Variants in STX3 observed in about 807,000 individuals in gnomAD.
STX3 encodes syntaxin-3.
Under a neutral mutation model 40.2 loss-of-function variants are expected in STX3, and 19 were observed. The ratio of observed to expected loss-of-function variants is 0.47; its 90% CI spans 0.33 to 0.69. The LOEUF is 0.69. Ranked by LOEUF, STX3 falls within the 30% of genes least tolerant of loss-of-function variation. The pLI, the probability that STX3 is intolerant of heterozygous loss-of-function variation, is 0.02. For missense variants in STX3, 364 were observed against 366.7 expected (o/e 0.99, Z 0.06); for synonymous variants, 122 against 132.2 (o/e 0.92, Z 0.53).
intron 2 of STX3, among the ~76,000 whole-genome samples, chr11:59,778,569 C>T (rs1048215103): frequency 6.6e-6 from 1 of 152,194 alleles, no homozygotes; most frequent in Non-Finnish European, 1.5e-5. Context: ...CAGGGAATGG[C>T]TGTTTGTTGG....
chr11:59,777,197 C>A (rs895310021), intron 2 of STX3, among the ~76,000 whole-genome samples: 3 of 152,182 alleles, frequency 2.0e-5, no homozygotes, highest in African/African-American at 7.2e-5. Flanking sequence ...TAAATTCTGC[C>A]TGCAGAGAGG....
At chr11:59,771,884 G>GT (rs1863670955) in intron 1 of STX3, among the ~76,000 whole-genome samples, 1 of 152,170 alleles carries the variant, frequency 6.6e-6, no homozygotes, top group South Asian at 2.1e-4. Flanking sequence ...GATCGGGGAG[G>GT]TGGTAGCAGT....
chr11:59,800,745 A>G (rs1347568954), intron 10 of STX3, 110 bp from the exon 11 acceptor site: 2 of 1,519,516 alleles, frequency 1.3e-6, no homozygotes, highest in Non-Finnish European at 1.8e-6. Context: ...TCTATTTCAT[A>G]GTGATTTCTG....
intron 2 of STX3, among the ~76,000 whole-genome samples, chr11:59,785,539 C>T (rs1456513680): frequency 6.6e-6 from 1 of 152,108 alleles, no homozygotes; most frequent in Non-Finnish European, 1.5e-5. Context: ...CCATGTTACC[C>T]AGGCTGATCT....
intron 8 of STX3, 93 bp from the exon 9 acceptor site, chr11:59,795,279 A>T (rs1014623869): frequency 2.8e-6 from 3 of 1,065,146 alleles, no homozygotes; most frequent in Admixed American, 2.1e-5. Context: ...TCTTCTTGCC[A>T]CTGAAGATTG....
Position 59,800,984 on chromosome 11 carries a change from G to C in STX3, c.*160G>C, listed in dbSNP as rs750980010. 3 of 1,532,690 alleles carry C rather than the reference G, an allele frequency of 2.0e-6. No homozygotes were observed. The highest frequency in any genetic ancestry group is 2.4e-5 in the South Asian group (2 of 83,738). 94.9% of individuals were successfully genotyped at this position (1,532,690 alleles called of 1,614,324 possible). A position where few individuals can be genotyped will look rare whatever the true frequency, so the allele number is the denominator to read the frequency against. On this transcript the variant is annotated 3_prime_UTR_variant, in exon 11 of 11. Coordinates refer to ENST00000337979, the MANE Select transcript of STX3 (RefSeq NM_004177.5). ...TGCAACCACCCTTGGACCTGACTCAGCTAACAATCTAGCCCTGGGGGAATG... is the reference window on the plus strand; with the variant it reads ...TGCAACCACCCTTGGACCTGACTCACCTAACAATCTAGCCCTGGGGGAATG...
chr11:59,755,582 G>T lies in STX3; in HGVS notation c.-24G>T. ...CGCGCTCACCTGGGACGCGCTACCT[G>T]CCTCCGGGCGCCTGGGCTTCAGGAT... is the stretch of plus-strand genomic sequence containing the variant. On this transcript the variant is annotated 5_prime_UTR_variant, in exon 1 of 11. Transcript: ENST00000337979. 1 of 1,592,952 alleles carries T rather than the reference G, an allele frequency of 6.3e-7. No homozygotes were observed. The highest frequency in any genetic ancestry group is 8.5e-7 in the Non-Finnish European group (1 of 1,176,412).
chr11:59,794,571 A>C (rs1350053198), intron 8 of STX3, among the ~76,000 whole-genome samples: 4 of 151,904 alleles, frequency 2.6e-5, no homozygotes, highest in African/African-American at 7.3e-5. Context: ...CTTTTCCCCC[A>C]CACTGCCTTG....
At chr11:59,786,551 A>G (rs1864790420) in intron 2 of STX3, among the ~76,000 whole-genome samples, 1 of 151,412 alleles carries the variant, frequency 6.6e-6, no homozygotes, top group Non-Finnish European at 1.5e-5. Context: ...CGCCTGGCCT[A>G]TCTGTTTCTG....
At chr11:59,792,300 A>C in intron 6 of STX3, 85 bp downstream of exon 6, 1 of 1,123,852 alleles carries the variant, frequency 8.9e-7, no homozygotes, top group South Asian at 1.3e-5. Context: ...TGGTGGAGCA[A>C]GCAGGAAGCA....
At chr11:59,755,375 C>A (rs1395673384), upstream of STX3, 3 of 350,992 alleles carry the variant, frequency 8.5e-6, no homozygotes, top group East Asian at 4.7e-5. Context: ...GCCCGGGAGC[C>A]GGATTTGGAG....
chr11:59,755,426 G>A lies in STX3; in HGVS notation c.-180G>A. The A allele has an allele frequency of 1.9e-6, 1 of 538,748 alleles. No homozygotes were observed. The highest frequency in any genetic ancestry group is 2.9e-6 in the Non-Finnish European group (1 of 348,184). The allele number at this position is 538,748 out of a possible 1,614,324, so 33.4% of individuals were successfully genotyped here. On this transcript the variant is annotated 5_prime_UTR_variant, in exon 1 of 11. Transcript: ENST00000337979. ...GGGGCGGAGGGGGCTGCGCGGCGGA[G>A]GCTCCCGTGGCCTCGGACGCTCCTC...
chr11:59,770,412 G>A (rs1004433744), intron 1 of STX3, among the ~76,000 whole-genome samples: 3 of 151,516 alleles, frequency 2.0e-5, no homozygotes, highest in Admixed American at 6.6e-5. Context: ...TGTGTGTGTG[G>A]GTATATGTAT....
In STX3 at chr11:59,764,631, A is replaced by G. The variant is rs187143463; in HGVS notation, c.31-8580A>G. Among the ~76,000 whole-genome samples the G allele has an allele frequency of 1.3e-3, 198 of 152,276 alleles. 3 individuals are homozygous for G. Among genetic ancestry groups the G allele is most frequent in the African/African-American group, 4.5e-3 (186 of 41,556 alleles). On this transcript the variant is annotated intron_variant, in intron 1 of 10. Coordinates refer to ENST00000337979, the MANE Select transcript of STX3 (RefSeq NM_004177.5). Reference sequence around the variant, plus strand: ...CCCTGAAATAAGCGAGAGCGTGTTCACTGAGCCTGAGTGGGGAGGATGCCT... The same window carrying G: ...CCCTGAAATAAGCGAGAGCGTGTTCGCTGAGCCTGAGTGGGGAGGATGCCT...
intron 6 of STX3, 35 bp from the exon 7 acceptor site, chr11:59,793,064 C>A (rs774191768): frequency 1.9e-6 from 3 of 1,605,614 alleles, no homozygotes; most frequent in African/African-American, 1.3e-5. Context: ...TCACCGTGAT[C>A]TTATATTTGA....
intron 1 of STX3, among the ~76,000 whole-genome samples, 188 bp downstream of exon 1, chr11:59,755,823 A>G (rs992300614): frequency 1.3e-5 from 2 of 151,866 alleles, no homozygotes; most frequent in African/African-American, 2.4e-5. Flanking sequence ...GTGCCCGGTG[A>G]TTCATCGCTA....
intron 6 of STX3, among the ~76,000 whole-genome samples, chr11:59,792,483 G>T (rs763767526): frequency 2.6e-5 from 4 of 152,136 alleles, no homozygotes; most frequent in African/African-American, 4.8e-5. Flanking sequence ...GCTCTCTTGT[G>T]GACTCATTGT....
chr11:59,801,809 G>A lies in STX3; in HGVS notation c.*985G>A. 1.0e-6 allele frequency: 1 copy of A among 985,152 alleles called. No individual in the cohort carries two copies. The highest frequency in any genetic ancestry group is 1.2e-6 in the Non-Finnish European group (1 of 829,818). 61.0% of individuals were successfully genotyped at this position (985,152 alleles called of 1,614,324 possible). A position where few individuals can be genotyped will look rare whatever the true frequency, so the allele number is the denominator to read the frequency against. ...CAGGAAGTAGGAAATAAAAATGGAA[G>A]CTATTATGACCTCAAAAAAAAAAAG... On this transcript the variant is annotated 3_prime_UTR_variant, in exon 11 of 11. Coordinates refer to ENST00000337979, the MANE Select transcript of STX3 (RefSeq NM_004177.5).
In STX3 at chr11:59,786,217, T is replaced by C. The variant is rs568002105; in HGVS notation, c.115-820T>C. On this transcript the variant is annotated intron_variant, in intron 2 of 10. Coordinates refer to ENST00000337979, the MANE Select transcript of STX3 (RefSeq NM_004177.5). Reference sequence around the variant, plus strand: ...CCTAGTATCTCTCTTTTTCTCTCCTTGTTTTCTTTATCTGTTTCTTTCTTT... The same window carrying C: ...CCTAGTATCTCTCTTTTTCTCTCCTCGTTTTCTTTATCTGTTTCTTTCTTT... 4.0e-5 allele frequency among the ~76,000 whole-genome samples: 6 copies of C among 151,794 alleles called. No homozygotes were observed. The South Asian group carries it at 1.0e-3, about 26-fold the overall frequency.
Sources: allele counts gnomAD v4.1 joint callset (sites outside exome capture counted in the v4.1 genomes callset), GRCh38; gene constraint gnomAD v4.1.1; transcripts MANE v1.5; gene names NCBI Gene and HGNC (gene_info 2026-07-23, HGNC 2026-07-21).